Variants in NEK7 observed in about 807,000 individuals in gnomAD.
NEK7 encodes serine/threonine-protein kinase Nek7.
In NEK7, 18 loss-of-function variants were observed where a neutral mutation model predicts 44.6. The ratio of observed to expected loss-of-function variants is 0.40; its 90% CI spans 0.28 to 0.60. The LOEUF is 0.60. NEK7 is among the 20% of genes least tolerant of loss of function. The pLI is 0.38. For missense variants in NEK7, 256 were observed against 366.5 expected (o/e 0.70, Z 2.46); for synonymous variants, 130 against 121.1 (o/e 1.07, Z -0.48).
chr1:198,233,427 C>T (rs1046813323), intron 2 of NEK7, among the ~76,000 whole-genome samples: 2 of 152,138 alleles, frequency 1.3e-5, no homozygotes, highest in African/African-American at 2.4e-5. Flanking sequence ...GGCAATACCT[C>T]ATTTTTATTG....
chr1:198,195,969 G>T (rs529411090), intron 1 of NEK7, among the ~76,000 whole-genome samples: 1 of 152,104 alleles, frequency 6.6e-6, no homozygotes, highest in South Asian at 2.1e-4. Context: ...TTAATAAAAG[G>T]TTATCTATAA....
chr1:198,253,732 C>T (rs958005675), intron 3 of NEK7, among the ~76,000 whole-genome samples: 6 of 152,078 alleles, frequency 3.9e-5, no homozygotes, highest in Non-Finnish European at 8.8e-5. Flanking sequence ...TAATCCAGAC[C>T]CTTTCCTGTC....
Position 198,253,025 on chromosome 1 carries a change from CA to C in NEK7, c.58-14del, listed in dbSNP as rs1653126174. On this transcript the variant is annotated splice_polypyrimidine_tract_variant and intron_variant, in intron 2 of 9. Coordinates refer to ENST00000367385, the MANE Select transcript of NEK7 (RefSeq NM_133494.3). The stretch of plus-strand genomic sequence containing the variant: ...ATTGTGTGATTGAAAATTTTTCTGA[CA>C]TTTTTAATTACAGAAGGCCTTACGA... 2 of 1,592,264 alleles carry C rather than the reference CA, an allele frequency of 1.3e-6. No homozygotes were observed. The highest frequency in any genetic ancestry group is 1.7e-6 in the Non-Finnish European group (2 of 1,169,666).
Position 198,316,286 on chromosome 1 carries a change from G to C in NEK7, c.799-3126G>C, listed in dbSNP as rs1318284099. 3.9e-5 allele frequency among the ~76,000 whole-genome samples: 6 copies of C among 152,262 alleles called. No homozygotes were observed. The East Asian group carries it at 7.7e-4, about 20-fold the overall frequency. ...TGTGACACAGCATTTTAAGAAACAGGCTGTGTCCTTGGAAGACAGAGACTA... is the reference window on the plus strand; with the variant it reads ...TGTGACACAGCATTTTAAGAAACAGCCTGTGTCCTTGGAAGACAGAGACTA... On this transcript the variant is annotated intron_variant, in intron 9 of 9. Transcript: ENST00000367385.
chr1:198,194,548 A>G (rs887815698), intron 1 of NEK7, among the ~76,000 whole-genome samples: 1 of 143,772 alleles, frequency 7.0e-6, no homozygotes, highest in African/African-American at 2.6e-5. Flanking sequence ...GGTCCCACTT[A>G]TAGGGGAGAA....
intron 1 of NEK7, among the ~76,000 whole-genome samples, chr1:198,191,712 A>G (rs1665077846): frequency 6.6e-6 from 1 of 152,034 alleles, no homozygotes. Flanking sequence ...TGTTGTGAAG[A>G]AATACTTGTC....
chr1:198,247,122 G>A (rs997903325), intron 2 of NEK7, among the ~76,000 whole-genome samples: 1 of 152,036 alleles, frequency 6.6e-6, no homozygotes, highest in Admixed American at 6.6e-5. Flanking sequence ...TAAATTCAAT[G>A]GCTATGAAAA....
intron 1 of NEK7, among the ~76,000 whole-genome samples, chr1:198,193,192 A>G (rs989342841): frequency 3.3e-5 from 5 of 152,200 alleles, no homozygotes; most frequent in Admixed American, 1.3e-4. Flanking sequence ...CTATGCACAT[A>G]AACTAGAAAA....
chr1:198,291,192 C>A (rs1186154304), intron 7 of NEK7, among the ~76,000 whole-genome samples: 1 of 152,164 alleles, frequency 6.6e-6, no homozygotes, highest in Non-Finnish European at 1.5e-5. Context: ...ACCTTCAAGC[C>A]TCAGTGTTTT....
chr1:198,310,781 CT>C (rs1266185737), intron 9 of NEK7, among the ~76,000 whole-genome samples: 1 of 152,090 alleles, frequency 6.6e-6, no homozygotes, highest in Admixed American at 6.5e-5. Context: ...GGGCTCTGTT[CT>C]GTTCCATTGA....
chr1:198,283,031 T>C (rs1654255528), intron 7 of NEK7, among the ~76,000 whole-genome samples: 1 of 151,884 alleles, frequency 6.6e-6, no homozygotes, highest in African/African-American at 2.4e-5. Flanking sequence ...TAAACTGAGA[T>C]GTAAAGGATA....
intron 1 of NEK7, among the ~76,000 whole-genome samples, chr1:198,218,897 G>T (rs1458606880): frequency 1.3e-5 from 2 of 151,840 alleles, no homozygotes; most frequent in African/African-American, 2.4e-5. Flanking sequence ...TATTTAAAAA[G>T]TCAAAAAGCC....
chr1:198,188,890 G>T (rs1664991131), intron 1 of NEK7, among the ~76,000 whole-genome samples: 1 of 152,134 alleles, frequency 6.6e-6, no homozygotes, highest in Non-Finnish European at 1.5e-5. Flanking sequence ...GATGCTCACA[G>T]AGGGTAAGTG....
At chr1:198,179,654 G>A (rs1023939786) in intron 1 of NEK7, among the ~76,000 whole-genome samples, 3 of 152,144 alleles carry the variant, frequency 2.0e-5, no homozygotes, top group Non-Finnish European at 4.4e-5. Flanking sequence ...GGGCTAAACA[G>A]TCTTTCTGTG....
intron 9 of NEK7, among the ~76,000 whole-genome samples, chr1:198,299,317 C>T (rs1397706093): frequency 6.6e-6 from 1 of 152,136 alleles, no homozygotes; most frequent in Non-Finnish European, 1.5e-5. Flanking sequence ...TGCAGATGTG[C>T]TAATAAATAT....
chr1:198,244,134 T>C (rs1229918304), intron 2 of NEK7, among the ~76,000 whole-genome samples: 2 of 152,170 alleles, frequency 1.3e-5, no homozygotes, highest in African/African-American at 2.4e-5. Context: ...TGTAAGGTAG[T>C]TTATTTAAAA....
intron 1 of NEK7, among the ~76,000 whole-genome samples, chr1:198,167,355 T>G (rs901694259): frequency 1.3e-5 from 2 of 152,180 alleles, no homozygotes; most frequent in African/African-American, 4.8e-5. Flanking sequence ...ATTTCTGATG[T>G]TTTTGGTCTT....
intron 9 of NEK7, among the ~76,000 whole-genome samples, chr1:198,311,665 C>G (rs1478229783): frequency 6.6e-6 from 1 of 152,148 alleles, no homozygotes; most frequent in Non-Finnish European, 1.5e-5. Flanking sequence ...TGAATTTTGT[C>G]AAAGGCCTTT....
In NEK7 at chr1:198,204,067, G is replaced by T. The variant is rs866973074; in HGVS notation, c.-28-28486G>T. Among the ~76,000 whole-genome samples, 4 of 152,186 alleles carry T rather than the reference G, an allele frequency of 2.6e-5. 1 individual carries two copies. In the South Asian group the frequency reaches 8.3e-4, roughly 32 times the overall value. ...AGGCCAGGATTTGAGACTGGCCTGGGCAGCATAGCGAGATCCTGTCTCTAC... is the reference window on the plus strand; with the variant it reads ...AGGCCAGGATTTGAGACTGGCCTGGTCAGCATAGCGAGATCCTGTCTCTAC... On this transcript the variant is annotated intron_variant, in intron 1 of 9. Coordinates refer to ENST00000367385, the MANE Select transcript of NEK7 (RefSeq NM_133494.3).
Sources: gnomAD v4.1 joint callset for allele counts (sites outside exome capture counted in the v4.1 genomes callset) on GRCh38, gnomAD v4.1.1 for gene constraint, MANE v1.5 for transcripts, NCBI Gene and HGNC (gene_info 2026-07-23, HGNC 2026-07-21) for gene names.